The following SRFBP1 variants were observed in gnomAD, a reference collection of about 807,000 sequenced individuals.
SRFBP1 encodes the protein serum response factor-binding protein 1.
Under a neutral mutation model 45.5 loss-of-function variants are expected in SRFBP1, and 47 were observed. The observed-to-expected ratio is 1.03, with a 90% CI of 0.82 to 1.32. The LOEUF (loss-of-function observed/expected upper bound fraction) is 1.32. Among genes scored for constraint, SRFBP1 ranks in the 40% most tolerant of loss-of-function variants. SRFBP1 has a pLI of 0.00. For synonymous variants in SRFBP1, 203 were observed against 166.3 expected (o/e 1.22, Z -1.70); for missense variants, 621 against 484.6 (o/e 1.28, Z -2.64).
chr5:122,008,180 G>A (rs534274509), intron 4 of SRFBP1, among the ~76,000 whole-genome samples: 2 of 151,998 alleles, frequency 1.3e-5, no homozygotes, highest in African/African-American at 2.4e-5. Flanking sequence ...CCTAGGGCTG[G>A]CCCGAAGCCT....
At chr5:122,040,413 C>CTT (rs1479957071) in intron 2 of SRFBP1, among the ~76,000 whole-genome samples, 1 of 152,102 alleles carries the variant, frequency 6.6e-6, no homozygotes, top group African/African-American at 2.4e-5. Context: ...CAGGGGAAAA[C>CTT]TTGTTTTGAA....
intron 6 of SRFBP1, among the ~76,000 whole-genome samples, chr5:122,021,353 T>C (rs1753318163): frequency 6.6e-6 from 1 of 152,220 alleles, no homozygotes; most frequent in Non-Finnish European, 1.5e-5. Context: ...TAAGTTTAAC[T>C]TTATTTGTAA....
chr5:121,962,655 A>C (rs1207391481), intron 1 of SRFBP1, among the ~76,000 whole-genome samples: 7 of 152,140 alleles, frequency 4.6e-5, no homozygotes, highest in Admixed American at 3.9e-4. Flanking sequence ...TTTTCAGTCC[A>C]TTCTCATCAG....
chr5:121,977,014 AC>A (rs1282878354), intron 3 of SRFBP1, among the ~76,000 whole-genome samples: 1 of 152,072 alleles, frequency 6.6e-6, no homozygotes, highest in Non-Finnish European at 1.5e-5. Flanking sequence ...TTTCAGTGAT[AC>A]ATTTGATTAA....
At position 122,044,286 on chromosome 5, in the gene SRFBP1, A is replaced by G. The variant is rs149367199; in HGVS notation, n.311+21879A>G. Among the ~76,000 whole-genome samples, 41 of 152,278 alleles carry G rather than the reference A, an allele frequency of 2.7e-4. 1 individual carries two copies. The East Asian group carries it at 6.6e-3, about 24-fold the overall frequency. On this transcript the variant is annotated intron_variant and non_coding_transcript_variant, in intron 2 of 2. Transcript: ENST00000504881. ...TTTAGATTGATTCTATGTCTTTGCT[A>G]TTGTGAATAGGGCTGCAGTGAACAT...
chr5:122,046,253 G>A (rs1403765476), intron 2 of SRFBP1, among the ~76,000 whole-genome samples: 37 of 151,440 alleles, frequency 2.4e-4, no homozygotes, highest in Admixed American at 2.0e-3. Context: ...GTGTCCATGC[G>A]TTCTCATTGT....
rs546634006 is a variant in SRFBP1, at chr5:122,011,356, C to A, written c.271-7904C>A. Among the ~76,000 whole-genome samples, 5 of 152,058 alleles carry A rather than the reference C, an allele frequency of 3.3e-5. No individual in the cohort carries two copies. In the East Asian group the frequency reaches 9.6e-4, roughly 29 times the overall value. On this transcript the variant is annotated intron_variant, in intron 4 of 7. Transcript: ENST00000339397. ...GGAAGAAACTGGAGGTACATGAAAA[C>A]CACAGTTTCCAGAGAATTTTCCATG...
chr5:121,986,404 G>C (rs1316387553), intron 3 of SRFBP1, among the ~76,000 whole-genome samples: 2 of 152,128 alleles, frequency 1.3e-5, no homozygotes, highest in East Asian at 1.9e-4. Context: ...AGCATTTGGA[G>C]ATGGCAAGTG....
chr5:122,054,622 G>T (rs1279158331), intron 2 of SRFBP1, among the ~76,000 whole-genome samples: 2 of 152,136 alleles, frequency 1.3e-5, no homozygotes, highest in Non-Finnish European at 2.9e-5. Flanking sequence ...CATATTTATT[G>T]ATGCCTGCTA....
chr5:122,045,714 A>G (rs1753844137), intron 2 of SRFBP1, among the ~76,000 whole-genome samples: 1 of 152,116 alleles, frequency 6.6e-6, no homozygotes, highest in African/African-American at 2.4e-5. Context: ...TTGTATCTTG[A>G]AACTTTCCTG....
chr5:121,990,292 G>C (rs1056883981), intron 3 of SRFBP1, among the ~76,000 whole-genome samples: 4 of 152,166 alleles, frequency 2.6e-5, no homozygotes, highest in African/African-American at 9.7e-5. Flanking sequence ...GGAGCTGCAG[G>C]CTATATTCTA....
At chr5:122,018,531 G>T (rs1353260878) in intron 4 of SRFBP1, among the ~76,000 whole-genome samples, 2 of 152,172 alleles carry the variant, frequency 1.3e-5, no homozygotes, top group African/African-American at 4.8e-5. Flanking sequence ...AGCTACAGGA[G>T]AAGCAGATTT....
rs186866279 is a variant in SRFBP1 at position 121,983,685 on chromosome 5, C to T, written c.198+8298C>T. 1.1e-3 allele frequency among the ~76,000 whole-genome samples: 169 copies of T among 151,600 alleles called. No homozygotes were observed. In the Middle Eastern group the frequency reaches 0.014, roughly 12 times the overall value. ...TATATTGATGAAAATAATTTATAGG[C>T]GAAAAATGCATTCAGCTTAATTTTT... On this transcript the variant is annotated intron_variant, in intron 3 of 7. Transcript: ENST00000339397.
chr5:122,073,986 G>T (rs1561419280), intron 2 of SRFBP1: 5 of 1,599,488 alleles, frequency 3.1e-6, no homozygotes, highest in Admixed American at 1.7e-5. Flanking sequence ...GAGGCTTGAG[G>T]TTCTGGATTT....
chr5:121,967,340 C>T (rs1442988782), intron 1 of SRFBP1, among the ~76,000 whole-genome samples: 4 of 152,080 alleles, frequency 2.6e-5, no homozygotes, highest in African/African-American at 9.7e-5. Context: ...TAGGGCATTT[C>T]CGTAAGAACC....
chr5:122,078,019 G>C, downstream of SRFBP1: 1 of 1,435,818 alleles, frequency 7.0e-7, no homozygotes, highest in Non-Finnish European at 9.1e-7. Context: ...CGCTCGAGGA[G>C]GACGTGGCTC....
At chr5:121,971,497 G>A (rs1214059855) in intron 1 of SRFBP1, among the ~76,000 whole-genome samples, 1 of 151,912 alleles carries the variant, frequency 6.6e-6, no homozygotes, top group Non-Finnish European at 1.5e-5. Context: ...ATGAATTTAG[G>A]TGTGAATTTG....
chr5:122,047,505 G>C (rs895227536), intron 2 of SRFBP1, among the ~76,000 whole-genome samples: 1 of 152,084 alleles, frequency 6.6e-6, no homozygotes, highest in African/African-American at 2.4e-5. Flanking sequence ...TGTTCTTTTG[G>C]CTTAGGATTG....
intron 2 of SRFBP1, chr5:122,063,133 T>C (rs562092716): frequency 6.6e-6 from 1 of 152,124 alleles, no homozygotes; most frequent in African/African-American, 2.4e-5. Flanking sequence ...CCATGGCTTA[T>C]AACATTTCAA....
Sources: gnomAD v4.1 joint callset for allele counts (sites outside exome capture counted in the v4.1 genomes callset) on GRCh38, gnomAD v4.1.1 for gene constraint, MANE v1.5 for transcripts, NCBI Gene and HGNC (gene_info 2026-07-23, HGNC 2026-07-21) for gene names.